Variants in HTT observed in about 807,000 individuals in gnomAD.
The protein encoded by HTT is huntington disease protein.
HTT carries 104 observed loss-of-function variants against 362.3 expected under a neutral mutation model. The observed-to-expected ratio is 0.29, with a 90% CI of 0.24 to 0.34. The LOEUF (loss-of-function observed/expected upper bound fraction) is 0.34, where lower values mean the gene tolerates loss of function less well. Among genes scored for constraint, HTT ranks in the 10% least tolerant of loss-of-function variants. The pLI is 1.00. For synonymous variants in HTT, 1,577 were observed against 1,548.7 expected (o/e 1.02, Z -0.43); for missense variants, 3,301 against 3,928.6 (o/e 0.84, Z 4.27).
Position 3,117,072 on chromosome 4 carries a change from A to G in HTT, c.1068+809A>G, listed in dbSNP as rs373116803. ...TAGGTAGTGTTTGTAAAATGCTTAG[A>G]ATGCTTCCTGGCACATGTTAAGGCC... On this transcript the variant is annotated intron_variant, in intron 8 of 66. Coordinates refer to ENST00000355072, the MANE Select transcript of HTT (RefSeq NM_001388492.1). Among the ~76,000 whole-genome samples, 5 of 152,316 alleles carry G rather than the reference A, an allele frequency of 3.3e-5. No individual in the cohort carries two copies. The East Asian group carries it at 9.6e-4, about 29-fold the overall frequency.
chr4:3,113,112 C>T (rs919471285), intron 6 of HTT: 2 of 634,180 alleles, frequency 3.2e-6, no homozygotes, highest in African/African-American at 4.0e-5. Context: ...TATGCCTCCT[C>T]TGTGTTTGAA....
intron 29 of HTT, among the ~76,000 whole-genome samples, chr4:3,161,851 A>G (rs1274705603): frequency 6.6e-6 from 1 of 152,110 alleles, no homozygotes; most frequent in Non-Finnish European, 1.5e-5. Flanking sequence ...GATTGCAAAA[A>G]TTTTATCCCA....
intron 36 of HTT, among the ~76,000 whole-genome samples, chr4:3,181,161 C>T (rs1718508224): frequency 1.3e-5 from 2 of 152,002 alleles, no homozygotes; most frequent in Non-Finnish European, 2.9e-5. Flanking sequence ...GGATTACAGG[C>T]GTGAGCCACC....
chr4:3,212,758 G>A, intron 49 of HTT, 49 bp downstream of exon 49: 1 of 1,600,818 alleles, frequency 6.2e-7, no homozygotes, highest in South Asian at 1.1e-5. Context: ...GGGGGCATGG[G>A]GCTGACACTG....
chr4:3,163,814 CTTCT>C (rs1270259615), intron 29 of HTT, among the ~76,000 whole-genome samples: 1 of 152,006 alleles, frequency 6.6e-6, no homozygotes, highest in Non-Finnish European at 1.5e-5. Flanking sequence ...TCTCTCTTTT[CTTCT>C]TTATTAGTCT....
chr4:3,079,240 A>G (rs1312354301), intron 1 of HTT, among the ~76,000 whole-genome samples: 4 of 149,870 alleles, frequency 2.7e-5, no homozygotes, highest in African/African-American at 9.9e-5. Flanking sequence ...GTCCACTGAG[A>G]AGACAGCTTT....
intron 19 of HTT, among the ~76,000 whole-genome samples, chr4:3,135,049 T>C (rs1048155427): frequency 2.6e-5 from 4 of 151,890 alleles, no homozygotes; most frequent in African/African-American, 4.8e-5. Flanking sequence ...AGTAGAAGAG[T>C]AGATTTTTTT....
chr4:3,216,225 A>G (rs1481979957), intron 51 of HTT, among the ~76,000 whole-genome samples: 1 of 152,224 alleles, frequency 6.6e-6, no homozygotes, highest in Non-Finnish European at 1.5e-5. Context: ...ATGACCCAGA[A>G]GCAATGGCAT....
chr4:3,088,940 C>T (rs906003014), intron 2 of HTT, among the ~76,000 whole-genome samples: 5 of 151,930 alleles, frequency 3.3e-5, no homozygotes, highest in African/African-American at 1.2e-4. Flanking sequence ...GAGCATATGT[C>T]CTGAAAATAA....
intron 27 of HTT, among the ~76,000 whole-genome samples, chr4:3,156,173 A>G (rs1359036179): frequency 1.3e-5 from 2 of 152,208 alleles, no homozygotes; most frequent in East Asian, 1.9e-4. Context: ...AGGCTGGAGT[A>G]CCATGGCACG....
chr4:3,236,164 G>C lies in HTT; in HGVS notation c.8801G>C (p.Ser2934Thr). The change falls in exon 64 of 67, where the codon AGT becomes ACT. Residue 2934 changes from serine to threonine, a missense_variant. Around this residue, in one of 4 missense-constraint regions of HTT, gnomAD observed 753 missense variants for 1,021.3 expected, o/e 0.74. Transcript: ENST00000355072. ...TCMYTGKEKV[S>T]PGRTSDPNPA... Reference sequence around the variant, plus strand: ...TTTGTTACAGGAAAGGAGAAAGTCAGTCCGGGTAGAACTTCAGACCCTAAT... The same window carrying C: ...TTTGTTACAGGAAAGGAGAAAGTCACTCCGGGTAGAACTTCAGACCCTAAT... The C allele has an allele frequency of 6.2e-7, 1 of 1,613,842 alleles. No individual in the cohort carries two copies. The highest frequency in any genetic ancestry group is 8.5e-7 in the Non-Finnish European group (1 of 1,179,670).
At position 3,132,833 on chromosome 4, in the gene HTT, G is replaced by A. The variant is rs760077091; in HGVS notation, c.2415G>A (p.Ala805=). ...RTLTGNTFSL[A]DCIPLLRKTL... The stretch of plus-strand genomic sequence containing the variant: ...GGTTAGGAAATACATTTTCTTTGGC[G>A]GATTGCATTCCTTTGCTGCGGAAAA... Residue 805 remains alanine (A), a synonymous_variant, in exon 18 of 67, where the codon GCG becomes GCA. Coordinates refer to ENST00000355072, the MANE Select transcript of HTT (RefSeq NM_001388492.1). 3.7e-6 allele frequency: 6 copies of A among 1,614,008 alleles called. No individual in the cohort carries two copies. Among genetic ancestry groups the A allele is most frequent in the East Asian group, 2.2e-5 (1 of 44,892 alleles).
At chr4:3,201,519 G>A (rs1424860139) in intron 41 of HTT, among the ~76,000 whole-genome samples, 1 of 113,300 alleles carries the variant, frequency 8.8e-6, no homozygotes, top group Admixed American at 1.2e-4. Flanking sequence ...GACAGAGTGA[G>A]ACTCCATCTC....
intron 64 of HTT, among the ~76,000 whole-genome samples, chr4:3,236,893 G>A (rs577006935): frequency 3.3e-5 from 5 of 152,188 alleles, no homozygotes; most frequent in Admixed American, 1.3e-4. Flanking sequence ...CAGTCCTGGC[G>A]ACATGGTGGA....
intron 50 of HTT, 105 bp from the exon 51 acceptor site, chr4:3,215,005 C>G (rs1720330050): frequency 2.3e-6 from 2 of 866,494 alleles, no homozygotes; most frequent in African/African-American, 1.7e-5. Flanking sequence ...GCTAGTCTGT[C>G]TATCCCTTTC....
intron 1 of HTT, among the ~76,000 whole-genome samples, chr4:3,086,590 C>G (rs890546833): frequency 6.6e-6 from 1 of 152,186 alleles, no homozygotes; most frequent in African/African-American, 2.4e-5. Context: ...AGGATCCTTT[C>G]AGCCTAGGAG....
At chr4:3,226,569 G>A (rs969987589) in intron 57 of HTT, among the ~76,000 whole-genome samples, 1 of 152,222 alleles carries the variant, frequency 6.6e-6, no homozygotes, top group African/African-American at 2.4e-5. Context: ...CGGCTGTGCT[G>A]GCCGACTTGC....
chr4:3,111,228 C>G, intron 6 of HTT, among the ~76,000 whole-genome samples: 1 of 148,034 alleles, frequency 6.8e-6, no homozygotes, highest in Non-Finnish European at 1.5e-5. Context: ...GAGTCCTACT[C>G]TGTCGCCCAG....
chr4:3,160,518 C>A (rs544283103), intron 29 of HTT, 126 bp downstream of exon 29: 4 of 681,218 alleles, frequency 5.9e-6, no homozygotes, highest in Non-Finnish European at 1.1e-5. Flanking sequence ...CCCTGCCCCA[C>A]GTGCTTGCGT....
Sources: allele counts gnomAD v4.1 joint callset (sites outside exome capture counted in the v4.1 genomes callset), GRCh38; gene constraint gnomAD v4.1.1; regional missense constraint gnomAD v4.1.1; transcripts MANE v1.5; gene names NCBI Gene and HGNC (gene_info 2026-07-23, HGNC 2026-07-21).